Variants in COMMD1 observed in about 807,000 individuals in gnomAD.
COMMD1 encodes COMM domain-containing protein 1.
COMMD1 carries 10 observed loss-of-function variants against 17.2 expected under a neutral mutation model. The observed-to-expected ratio is 0.58, with a 90% confidence interval of 0.36 to 0.99. COMMD1 has a LOEUF of 0.99. Ranked by LOEUF, COMMD1 falls within the 50% of genes least tolerant of loss-of-function variation. The pLI is 0.01. For missense variants in COMMD1, 270 were observed against 231.8 expected, an observed-to-expected ratio of 1.17 and a Z score of -1.07; for synonymous variants, 97 against 91.6, an observed-to-expected ratio of 1.06 and a Z score of -0.34.
At chr2:62,056,823 G>A (rs766435039) in intron 2 of COMMD1, among the ~76,000 whole-genome samples, 8 of 152,140 alleles carry the variant, frequency 5.3e-5, no homozygotes, top group Non-Finnish European at 8.8e-5. Context: ...TGCTAGAAGA[G>A]GATTAACTGC....
chr2:61,924,517 G>A (rs1210522327), intron 1 of COMMD1, among the ~76,000 whole-genome samples: 1 of 152,068 alleles, frequency 6.6e-6, no homozygotes, highest in South Asian at 2.1e-4. Context: ...AGAAGTCGTC[G>A]GCTAGGGCTG....
intron 1 of COMMD1, among the ~76,000 whole-genome samples, chr2:61,924,344 T>G: frequency 4.0e-5 from 5 of 123,926 alleles, no homozygotes; most frequent in East Asian, 2.5e-4. Flanking sequence ...TGAGAACGAG[T>G]AAGGGGTGGT....
chr2:61,932,960 C>G (rs1170764877), intron 1 of COMMD1, among the ~76,000 whole-genome samples: 1 of 152,146 alleles, frequency 6.6e-6, no homozygotes, highest in Non-Finnish European at 1.5e-5. Flanking sequence ...CTCTCGGCAC[C>G]TGGGTTCTTG....
chr2:62,123,234 G>A (rs188141275), intron 2 of COMMD1, among the ~76,000 whole-genome samples: 8 of 152,132 alleles, frequency 5.3e-5, no homozygotes, highest in Non-Finnish European at 7.4e-5. Context: ...GGCCAGGCAC[G>A]GTGGCTCACA....
At chr2:62,135,199 T>C (rs1437018438) in intron 2 of COMMD1, among the ~76,000 whole-genome samples, 1 of 152,210 alleles carries the variant, frequency 6.6e-6, no homozygotes, top group Non-Finnish European at 1.5e-5. Context: ...AGGGTCCTCA[T>C]TTTTAAAACA....
At chr2:61,888,584 G>A (rs1669319902), upstream of COMMD1, 10 of 1,525,112 alleles carry the variant, frequency 6.6e-6, no homozygotes, top group South Asian at 1.2e-5. Context: ...GTGTAATAAC[G>A]GTAAGCCCTC....
chr2:62,120,466 C>CT (rs1040410627), intron 2 of COMMD1, among the ~76,000 whole-genome samples: 1 of 152,116 alleles, frequency 6.6e-6, no homozygotes, highest in African/African-American at 2.4e-5. Context: ...CAACAACACT[C>CT]TTTTTTTAAT....
chr2:62,082,141 T>C (rs1270340905), intron 2 of COMMD1, among the ~76,000 whole-genome samples: 1 of 152,218 alleles, frequency 6.6e-6, no homozygotes, highest in Non-Finnish European at 1.5e-5. Flanking sequence ...CTCTCTCACC[T>C]GAAAAGTGAC....
intron 1 of COMMD1, among the ~76,000 whole-genome samples, chr2:61,915,231 C>G (rs1303056316): frequency 1.3e-5 from 2 of 152,030 alleles, no homozygotes. Flanking sequence ...GTCTCCAACT[C>G]CTGAGCTCAA....
At chr2:62,001,072 A>G in intron 2 of COMMD1, 90 bp downstream of exon 2, 1 of 1,222,154 alleles carries the variant, frequency 8.2e-7, no homozygotes, top group Non-Finnish European at 1.2e-6. Flanking sequence ...ATGCAATAAC[A>G]GCAACAGGAA....
rs9096 is a variant in COMMD1, at chr2:62,135,860, T to G, written c.492T>G (p.Asp164Glu). The change falls in exon 3 of 3, where the codon GAT becomes GAG. Residue 164 changes from aspartate (D) to glutamate (E), a missense_variant. Coordinates refer to ENST00000311832, the MANE Select transcript of COMMD1 (RefSeq NM_152516.4). ...CTGAATTTCTGTGTTTGGAATTTGA[T>G]GAGGTCAAAGTCAACCAAATTCTGA... Reference protein sequence around the residue: ...QESEFLCLEFDEVKVNQILKT... With the variant: ...QESEFLCLEFEEVKVNQILKT... The G allele has an allele frequency of 1.3e-6, 2 of 1,584,354 alleles. No homozygotes were observed. The highest frequency in any genetic ancestry group is 3.3e-5 in the Admixed American group (2 of 59,994).
At chr2:62,007,883 A>AT (rs771921854) in intron 2 of COMMD1, among the ~76,000 whole-genome samples, 5 of 152,156 alleles carry the variant, frequency 3.3e-5, no homozygotes, top group Non-Finnish European at 7.4e-5. Flanking sequence ...AAAACATATA[A>AT]TTAATAATCC....
chr2:61,994,920 T>C (rs924519185), intron 1 of COMMD1, among the ~76,000 whole-genome samples: 3 of 152,102 alleles, frequency 2.0e-5, no homozygotes, highest in Admixed American at 6.6e-5. Flanking sequence ...GTTTGGAGCT[T>C]ATGCCAGTCC....
intron 1 of COMMD1, among the ~76,000 whole-genome samples, chr2:61,993,859 GAGA>G (rs1400161727): frequency 1.3e-5 from 2 of 152,174 alleles, no homozygotes; most frequent in African/African-American, 4.8e-5. Context: ...GATATTATTT[GAGA>G]AGAAGAATGA....
intron 2 of COMMD1, among the ~76,000 whole-genome samples, chr2:62,073,411 C>G (rs1320850997): frequency 6.6e-6 from 1 of 152,228 alleles, no homozygotes; most frequent in African/African-American, 2.4e-5. Flanking sequence ...ATCCTCTAAT[C>G]TTCACCTAAG....
At chr2:62,129,213 T>C (rs764956047) in intron 2 of COMMD1, among the ~76,000 whole-genome samples, 1 of 151,884 alleles carries the variant, frequency 6.6e-6, no homozygotes, top group Non-Finnish European at 1.5e-5. Flanking sequence ...AAATAGGAAA[T>C]GAAGAAACGA....
chr2:62,078,350 G>A (rs1053572259), intron 2 of COMMD1, among the ~76,000 whole-genome samples: 2 of 149,164 alleles, frequency 1.3e-5, no homozygotes, highest in African/African-American at 2.5e-5. Flanking sequence ...TCAAGAGTTC[G>A]AGACCAGCCT....
rs570703804 is a variant in COMMD1, at chr2:62,033,438, A to C, written c.462+32456A>C. Among the ~76,000 whole-genome samples the C allele has an allele frequency of 6.6e-5, 10 of 152,328 alleles. No individual in the cohort carries two copies. The South Asian group carries it at 2.1e-3, about 32-fold the overall frequency. The stretch of plus-strand genomic sequence containing the variant: ...TAGGATAGCCTTGGGAGAGAACAGA[A>C]AAATATCTTTTTTAAAAGTTACTTT... On this transcript the variant is annotated intron_variant, in intron 2 of 2. Transcript: ENST00000311832.
At chr2:62,063,899 T>TATATATATATATATATATATATATA (rs1558583258) in intron 2 of COMMD1, among the ~76,000 whole-genome samples, 1 of 44,198 alleles carries the variant, frequency 2.3e-5, no homozygotes, top group South Asian at 5.9e-4. Flanking sequence ...ATATATATAT[T>TATATATATATATATATATATATATA]AGCCAGGCAT....
Sources: allele counts gnomAD v4.1 joint callset (sites outside exome capture counted in the v4.1 genomes callset), GRCh38; gene constraint gnomAD v4.1.1; transcripts MANE v1.5; gene names NCBI Gene and HGNC (gene_info 2026-07-23, HGNC 2026-07-21).